Variants in XPO4 observed in about 807,000 individuals in gnomAD.
XPO4 encodes exportin-4.
XPO4 carries 39 observed loss-of-function variants against 143.0 expected under a neutral mutation model. The ratio of observed to expected loss-of-function variants is 0.27; its 90% CI spans 0.21 to 0.36. XPO4 has a LOEUF of 0.36. XPO4 is among the 10% of genes least tolerant of loss of function. The pLI is 1.00. For missense variants in XPO4, 907 were observed against 1,348.0 expected, an observed-to-expected ratio of 0.67 and a Z score of 5.12; for synonymous variants, 439 against 474.0, an observed-to-expected ratio of 0.93 and a Z score of 0.96.
At chr13:20,834,627 A>C (rs2059894317) in intron 6 of XPO4, among the ~76,000 whole-genome samples, 1 of 149,898 alleles carries the variant, frequency 6.7e-6, no homozygotes, top group African/African-American at 2.5e-5. Context: ...GGAAACTATA[A>C]AACAGTGTTG....
chr13:20,824,050 T>C (rs890683352), intron 7 of XPO4, among the ~76,000 whole-genome samples: 1 of 152,358 alleles, frequency 6.6e-6, no homozygotes, highest in East Asian at 1.9e-4. Flanking sequence ...AATGGCAGTG[T>C]TGAATATGAA....
At chr13:20,804,207 A>G (rs1184499497) in intron 13 of XPO4, among the ~76,000 whole-genome samples, 1 of 150,772 alleles carries the variant, frequency 6.6e-6, no homozygotes, top group Non-Finnish European at 1.5e-5. Context: ...ATATATATAC[A>G]CACATTATAT....
intron 5 of XPO4, 39 bp from the exon 6 acceptor site, chr13:20,843,087 T>A: frequency 6.5e-7 from 1 of 1,529,174 alleles, no homozygotes; most frequent in Non-Finnish European, 8.8e-7. Context: ...TATGAAAAAT[T>A]TATTCAAAAT....
chr13:20,797,510 C>T (rs1309881878), intron 16 of XPO4, among the ~76,000 whole-genome samples: 1 of 152,134 alleles, frequency 6.6e-6, no homozygotes, highest in Non-Finnish European at 1.5e-5. Context: ...ATAATCAGTC[C>T]TGCCCTGTAT....
At chr13:20,900,665 T>G (rs1232045473) in intron 1 of XPO4, among the ~76,000 whole-genome samples, 4 of 150,814 alleles carry the variant, frequency 2.7e-5, no homozygotes, top group Non-Finnish European at 5.9e-5. Context: ...CAGACTGGAG[T>G]GCAGCAGCAC....
chr13:20,860,019 T>C (rs1213465378), intron 3 of XPO4: 1 of 173,254 alleles, frequency 5.8e-6, no homozygotes, highest in Non-Finnish European at 1.1e-5. Context: ...GCTCCCCTGC[T>C]GGCCCTGACT....
intron 6 of XPO4, among the ~76,000 whole-genome samples, chr13:20,827,409 GTGTCATGC>G (rs2059798242): frequency 1.3e-5 from 2 of 152,178 alleles, no homozygotes; most frequent in South Asian, 4.1e-4. Context: ...TTGTAATTAT[GTGTCATGC>G]TGTAGGCATA....
At chr13:20,886,429 T>A (rs1045616634) in intron 1 of XPO4, among the ~76,000 whole-genome samples, 2 of 151,740 alleles carry the variant, frequency 1.3e-5, no homozygotes, top group African/African-American at 4.8e-5. Flanking sequence ...CTGGCCAATA[T>A]GGTAAAACCC....
At chr13:20,799,572 T>C (rs1159566855) in intron 15 of XPO4, among the ~76,000 whole-genome samples, 3 of 152,148 alleles carry the variant, frequency 2.0e-5, no homozygotes, top group African/African-American at 7.2e-5. Context: ...TTCTCTATAA[T>C]CTGCAAAATA....
At chr13:20,874,208 G>T (rs1010088133) in intron 1 of XPO4, among the ~76,000 whole-genome samples, 22 of 152,148 alleles carry the variant, frequency 1.4e-4, no homozygotes, top group African/African-American at 4.8e-4. Flanking sequence ...ATCATTTATA[G>T]GACCATTAAA....
chr13:20,822,371 A>C, intron 7 of XPO4, 82 bp from the exon 8 acceptor site: 1 of 1,188,614 alleles, frequency 8.4e-7, no homozygotes, highest in South Asian at 2.0e-5. Context: ...ATGAGGTAAG[A>C]CAAAAATTCA....
chr13:20,852,010 A>G lies in XPO4; in HGVS notation c.456+3617T>C, dbSNP rs1199326652. The G allele has an allele frequency of 4.1e-6, 4 of 985,280 alleles. No individual in the cohort carries two copies. The African/African-American group carries it at 7.0e-5, about 17-fold the overall frequency. 61.0% of individuals were successfully genotyped at this position (985,280 alleles called of 1,614,324 possible). A position where few individuals can be genotyped will look rare whatever the true frequency, so the allele number is the denominator to read the frequency against. On this transcript the variant is annotated intron_variant, in intron 4 of 22. Coordinates refer to ENST00000255305, the MANE Select transcript of XPO4 (RefSeq NM_022459.5). ...GAAGCAGAGAACTCAGTTCCCAAGT[A>G]TGTGCTCATTCCTGAGAGAGGCAAG...
At chr13:20,785,561 G>C (rs2059189656) in intron 22 of XPO4, among the ~76,000 whole-genome samples, 1 of 151,866 alleles carries the variant, frequency 6.6e-6, no homozygotes, top group African/African-American at 2.4e-5. Flanking sequence ...GCTACTTGGG[G>C]AGCTGAGGCG....
intron 1 of XPO4, among the ~76,000 whole-genome samples, chr13:20,900,248 G>A (rs567756000): frequency 6.6e-6 from 1 of 152,258 alleles, no homozygotes; most frequent in African/African-American, 2.4e-5. Context: ...GCTGGGTGTG[G>A]TGGTACATAC....
chr13:20,856,994 A>T (rs2060150649), intron 3 of XPO4: 2 of 551,764 alleles, frequency 3.6e-6, no homozygotes, highest in Admixed American at 1.3e-4. Flanking sequence ...CTGCTGCATA[A>T]CATGCATTTA....
intron 9 of XPO4, 41 bp from the exon 10 acceptor site, chr13:20,810,008 C>A (rs377248433): frequency 4.0e-6 from 6 of 1,513,104 alleles, no homozygotes; most frequent in African/African-American, 1.4e-5. Flanking sequence ...GTCCAGAGAA[C>A]GACAATTGGC....
At position 20,827,160 on chromosome 13, in the gene XPO4, A is replaced by G; in HGVS notation, c.747T>C (p.Ala249=). 6.2e-7 allele frequency: 1 copy of G among 1,613,514 alleles called. No homozygotes were observed. The highest frequency in any genetic ancestry group is 8.5e-7 in the Non-Finnish European group (1 of 1,179,458). ...LPPNLGRHYI[A]MFESSQNVLL... ...GCACATTTTGCGAGGATTCAAACAT[A>G]GCTATATAATGTCTGCCCAGTTATT... is the stretch of plus-strand genomic sequence containing the variant. Residue 249 remains alanine (A), a synonymous_variant, in exon 7 of 23, where the codon GCT becomes GCC. Coordinates refer to ENST00000255305, the MANE Select transcript of XPO4 (RefSeq NM_022459.5).
At chr13:20,821,949 A>G in intron 8 of XPO4, 71 bp from the exon 9 acceptor site, 2 of 1,458,576 alleles carry the variant, frequency 1.4e-6, no homozygotes, top group Non-Finnish European at 1.8e-6. Flanking sequence ...CTCATTTCCA[A>G]ACAAGCAAAT....
chr13:20,821,621 T>C, intron 9 of XPO4, 83 bp downstream of exon 9: 1 of 1,421,374 alleles, frequency 7.0e-7, no homozygotes, highest in African/African-American at 1.4e-5. Context: ...CTTAAAATAA[T>C]TACTTGTCAT....
Sources: gnomAD v4.1 joint callset for allele counts (sites outside exome capture counted in the v4.1 genomes callset) on GRCh38, gnomAD v4.1.1 for gene constraint, MANE v1.5 for transcripts, NCBI Gene and HGNC (gene_info 2026-07-23, HGNC 2026-07-21) for gene names.